The following ESAM variants were observed in gnomAD, a reference collection of about 807,000 sequenced individuals.
The protein encoded by ESAM is endothelial cell-selective adhesion molecule.
Under a neutral mutation model 31.8 loss-of-function variants are expected in ESAM, and 23 were observed. The ratio of observed to expected loss-of-function variants is 0.72; its 90% confidence interval spans 0.52 to 1.03. The LOEUF (loss-of-function observed/expected upper bound fraction) is 1.03. ESAM is among the 50% of genes least tolerant of loss of function. The pLI is 0.00. For synonymous variants in ESAM, 216 were observed against 207.2 expected (o/e 1.04, Z -0.37); for missense variants, 478 against 488.9 (o/e 0.98, Z 0.21).
In ESAM at chr11:124,754,808, TTAA is replaced by T. The variant is rs1565441430; in HGVS notation, c.608-48_608-46del. ...ATCAGTCCAGGGACCCTCTTTCCCA[TTAA>T]AAAAAAAAAAAAATCTTGTCCCTCC... On this transcript the variant is annotated intron_variant, in intron 4 of 6. Coordinates refer to ENST00000278927, the MANE Select transcript of ESAM (RefSeq NM_138961.3). This position sits in a 1 kb window ranked among gnomAD's most constrained non-coding sequence, Gnocchi z 4.5. The T allele has an allele frequency of 3.3e-6, 5 of 1,518,856 alleles. No individual in the cohort carries two copies. The South Asian group carries it at 4.0e-5, about 12-fold the overall frequency. The allele number at this position is 1,518,856 out of a possible 1,614,324, so 94.1% of individuals were successfully genotyped here.
At position 124,762,192 on chromosome 11, in the gene ESAM, C is replaced by CGCG; in HGVS notation, c.-41_-39dup. 1.9e-6 allele frequency: 3 copies of CGCG among 1,553,738 alleles called. No individual in the cohort carries two copies. Among genetic ancestry groups the CGCG allele is most frequent in the Non-Finnish European group, 1.8e-6 (2 of 1,142,822 alleles). ...CCGGGACGGAGTCAGGGGCGCCAGCCGCGGGACGCACGGACCTGCAGGTGC... is the reference window on the plus strand; with the variant it reads ...CCGGGACGGAGTCAGGGGCGCCAGCCGCGGCGGGACGCACGGACCTGCAGGTGC... On this transcript the variant is annotated 5_prime_UTR_variant, in exon 1 of 7. Transcript: ENST00000278927. This position sits in a 1 kb window ranked among gnomAD's most constrained non-coding sequence, Gnocchi z 6.4.
chr11:124,758,563 G>A (rs996658238), intron 1 of ESAM, 36 bp from the exon 2 acceptor site: 3 of 1,470,758 alleles, frequency 2.0e-6, no homozygotes, highest in South Asian at 1.4e-5. Context: ...GCCCAGGACC[G>A]GCTCCCAGCT....
Position 124,762,040 on chromosome 11 carries a change from C to T in ESAM, c.70+45G>A, listed in dbSNP as rs1944236393. ...AGTTCTCCCTCAGGGTCGAACTCACCCCATCCCGCATCCCAAGTCCCCTCC... is the reference window on the plus strand; with the variant it reads ...AGTTCTCCCTCAGGGTCGAACTCACTCCATCCCGCATCCCAAGTCCCCTCC... On this transcript the variant is annotated intron_variant, in intron 1 of 6. Coordinates refer to ENST00000278927, the MANE Select transcript of ESAM (RefSeq NM_138961.3). The surrounding 1 kb of genome is among the most constrained non-coding windows in gnomAD (Gnocchi z 6.4). 1.3e-6 allele frequency: 2 copies of T among 1,567,846 alleles called. No homozygotes were observed. Among genetic ancestry groups the T allele is most frequent in the Admixed American group, 1.7e-5 (1 of 57,364 alleles).
At chr11:124,760,225 G>T (rs1359114003) in intron 1 of ESAM, among the ~76,000 whole-genome samples, 1 of 152,236 alleles carries the variant, frequency 6.6e-6, no homozygotes. Context: ...TCCCTCCTGG[G>T]TGTCTGCTGG....
intron 4 of ESAM, 68 bp downstream of exon 4, chr11:124,756,139 C>T (rs1944150418): frequency 6.3e-7 from 1 of 1,599,626 alleles, no homozygotes; most frequent in African/African-American, 1.3e-5. Flanking sequence ...TCACCCCAGT[C>T]CCTGTGGTAC....
chr11:124,760,573 G>A (rs1410551771), intron 1 of ESAM, among the ~76,000 whole-genome samples: 1 of 152,278 alleles, frequency 6.6e-6, no homozygotes, highest in East Asian at 1.9e-4. Context: ...GCGGAGCCGG[G>A]CGCCTGCACG....
rs536785861 is a variant in ESAM at position 124,757,812 on chromosome 11, C to T, written c.249+537G>A. ...TTGTGGATTCAAGCAATTCTCTTGC[C>T]TCAGCCTCCCAAGTAGCTGGGATTA... is the stretch of plus-strand genomic sequence containing the variant. On this transcript the variant is annotated intron_variant, in intron 2 of 6. Coordinates refer to ENST00000278927, the MANE Select transcript of ESAM (RefSeq NM_138961.3). Among the ~76,000 whole-genome samples, 486 of 151,698 alleles carry T rather than the reference C, an allele frequency of 3.2e-3. 3 individuals are homozygous for T. The highest frequency in any genetic ancestry group is 0.011 in the African/African-American group (446 of 41,218).
In ESAM at chr11:124,756,206, C is replaced by G; in HGVS notation, c.607+1G>C. The G allele has an allele frequency of 2.5e-6, 4 of 1,613,510 alleles. No homozygotes were observed. Among genetic ancestry groups the G allele is most frequent in the Non-Finnish European group, 3.4e-6 (4 of 1,180,004 alleles). On this transcript the variant is annotated splice_donor_variant, in intron 4 of 6. Coordinates refer to ENST00000278927, the MANE Select transcript of ESAM (RefSeq NM_138961.3). LOFTEE classifies it high-confidence loss of function. Reference sequence around the variant, plus strand: ...TCCACTGTTTCCAGTAGTGTCCTCACCTAATGCTGGTGCAAAGAAAGTCTG... The same window carrying G: ...TCCACTGTTTCCAGTAGTGTCCTCAGCTAATGCTGGTGCAAAGAAAGTCTG...
chr11:124,753,647 C>G lies in ESAM; in HGVS notation c.1172G>C (p.Ter391SerextTer1). The G allele has an allele frequency of 6.2e-7, 1 of 1,613,500 alleles. No homozygotes were observed. ...TTTAGCCAATGAGTGGTGGGGTCAT[C>G]ATACCAGAGAGCCAGCTTGACTCTG... ...PAQSQAGSLV[*>S] Residue 391 changes from the stop codon to serine, a stop_lost, in exon 7 of 7, where the codon TGA becomes TCA. Transcript: ENST00000278927.
Position 124,753,458 on chromosome 11 carries a change from C to T in ESAM, c.*188G>A. On this transcript the variant is annotated 3_prime_UTR_variant, in exon 7 of 7. Coordinates refer to ENST00000278927, the MANE Select transcript of ESAM (RefSeq NM_138961.3). ...CTCCTCCCAATTCCAGATCCACTTC[C>T]TCTTCTCCTTCTGTCTCCTGGACAC... is the stretch of plus-strand genomic sequence containing the variant. The T allele has an allele frequency of 4.7e-6, 3 of 644,478 alleles. No homozygotes were observed. In the East Asian group the frequency reaches 8.7e-5, roughly 19 times the overall value. The allele number at this position is 644,478 out of a possible 1,614,324, so 39.9% of individuals were successfully genotyped here.
Position 124,753,662 on chromosome 11 carries a change from G to T in ESAM, c.1157C>A (p.Ala386Asp), listed in dbSNP as rs114481311. The T allele has an allele frequency of 4.3e-6, 7 of 1,613,738 alleles. No homozygotes were observed. In the East Asian group the frequency reaches 1.6e-4, roughly 36 times the overall value. The stretch of plus-strand genomic sequence containing the variant: ...GTGGGGTCATCATACCAGAGAGCCA[G>T]CTTGACTCTGGGCAGGCACCATCAC... Reference protein sequence around the residue: ...VPVMVPAQSQAGSLV With the variant: ...VPVMVPAQSQDGSLV The change falls in exon 7 of 7, where the codon GCT (alanine) becomes GAT (aspartate). Residue 386 changes from alanine (A) to aspartate (D), a missense_variant. Transcript: ENST00000278927.
chr11:124,754,848 C>G lies in ESAM; in HGVS notation c.608-85G>C. 2 of 1,499,668 alleles carry G rather than the reference C, an allele frequency of 1.3e-6. No individual in the cohort carries two copies. The highest frequency in any genetic ancestry group is 1.8e-6 in the Non-Finnish European group (2 of 1,122,374). The allele number at this position is 1,499,668 out of a possible 1,614,324, so 92.9% of individuals were successfully genotyped here. On this transcript the variant is annotated intron_variant, in intron 4 of 6. Transcript: ENST00000278927. This position sits in a 1 kb window ranked among gnomAD's most constrained non-coding sequence, Gnocchi z 4.5. ...AATCTTGTCCCTCCTCTGGAATGTCCCCTTTGACCCTCTGGGAGTCACGGC... is the reference window on the plus strand; with the variant it reads ...AATCTTGTCCCTCCTCTGGAATGTCGCCTTTGACCCTCTGGGAGTCACGGC...
chr11:124,755,346 GTAAC>G (rs1178782144), intron 4 of ESAM, among the ~76,000 whole-genome samples: 4 of 151,844 alleles, frequency 2.6e-5, no homozygotes, highest in Non-Finnish European at 5.9e-5. Flanking sequence ...GTATACATAT[GTAAC>G]TAACCTGCAC....
chr11:124,761,816 T>C (rs1944233085), intron 1 of ESAM, among the ~76,000 whole-genome samples: 1 of 151,060 alleles, frequency 6.6e-6, no homozygotes, highest in Admixed American at 6.6e-5. Context: ...TGAGGAATGG[T>C]TCCGATAACT....
At position 124,754,865 on chromosome 11, in the gene ESAM, A is replaced by G. The variant is rs973117998; in HGVS notation, c.608-102T>C. The G allele has an allele frequency of 6.9e-6, 10 of 1,453,482 alleles. No individual in the cohort carries two copies. Among genetic ancestry groups the G allele is most frequent in the Non-Finnish European group, 9.2e-6 (10 of 1,089,100 alleles). 90.0% of individuals were successfully genotyped at this position (1,453,482 alleles called of 1,614,324 possible). ...GGAATGTCCCCTTTGACCCTCTGGG[A>G]GTCACGGCTTGTCTATTCCCTGATG... is the stretch of plus-strand genomic sequence containing the variant. On this transcript the variant is annotated intron_variant, in intron 4 of 6. Coordinates refer to ENST00000278927, the MANE Select transcript of ESAM (RefSeq NM_138961.3). This position sits in a 1 kb window ranked among gnomAD's most constrained non-coding sequence, Gnocchi z 4.5.
At chr11:124,760,534 C>G (rs1944216044) in intron 1 of ESAM, among the ~76,000 whole-genome samples, 1 of 152,380 alleles carries the variant, frequency 6.6e-6, no homozygotes, top group South Asian at 2.1e-4. Context: ...GCCTACTGAG[C>G]CGGAGAGCCT....
In ESAM at chr11:124,762,118, G is replaced by T; in HGVS notation, c.37C>A (p.Leu13Met). 2 of 1,609,408 alleles carry T rather than the reference G, an allele frequency of 1.2e-6. No homozygotes were observed. The highest frequency in any genetic ancestry group is 2.7e-5 in the African/African-American group (2 of 74,480). Residue 13 changes from leucine to methionine, a missense_variant, in exon 1 of 7, where the codon CTG (leucine) becomes ATG (methionine). Leu to Met is a conservative substitution (Grantham distance 15). Transcript: ENST00000278927. This position sits in a 1 kb window ranked among gnomAD's most constrained non-coding sequence, Gnocchi z 6.4. ...SLPGPLVTNL[L>M]RFLFLGLSAL... is the part of the protein sequence containing the mutation. ...CTCAGCCCCAGGAACAAAAACCGCA[G>T]CAAGTTGGTCACCAGGGGCCCCGGG...
chr11:124,753,773 G>C lies in ESAM; in HGVS notation c.1046C>G (p.Thr349Arg). 1 of 1,613,970 alleles carries C rather than the reference G, an allele frequency of 6.2e-7. No individual in the cohort carries two copies. Among genetic ancestry groups the C allele is most frequent in the Non-Finnish European group, 8.5e-7 (1 of 1,179,928 alleles). ...SQALPSPRLP[T>R]TDGAHPQPIS... ...TGGTTGAGGGTGGGCCCCATCTGTC[G>C]TGGGCAGTCTTGGTGAGGGCAGGGC... The change falls in exon 7 of 7, where the codon ACG becomes AGG. Residue 349 changes from threonine (T) to arginine (R), a missense_variant. Thr to Arg is a moderately conservative substitution (Grantham distance 71). Coordinates refer to ENST00000278927, the MANE Select transcript of ESAM (RefSeq NM_138961.3).
At position 124,754,355 on chromosome 11, in the gene ESAM, G is replaced by C; in HGVS notation, c.731-15C>G. ...AGCTCCAGGCCCTGGAAAAGGCGTC[G>C]TGTCAGAGGAGGACACCCAGCTGAG... is the stretch of plus-strand genomic sequence containing the variant. On this transcript the variant is annotated splice_polypyrimidine_tract_variant and intron_variant, in intron 5 of 6. Coordinates refer to ENST00000278927, the MANE Select transcript of ESAM (RefSeq NM_138961.3). The surrounding 1 kb of genome is among the most constrained non-coding windows in gnomAD (Gnocchi z 4.5). 1 of 1,613,280 alleles carries C rather than the reference G, an allele frequency of 6.2e-7. No homozygotes were observed. The highest frequency in any genetic ancestry group is 8.5e-7 in the Non-Finnish European group (1 of 1,179,690).
Sources: allele counts gnomAD v4.1 joint callset (sites outside exome capture counted in the v4.1 genomes callset), GRCh38; gene constraint gnomAD v4.1.1; non-coding constraint Gnocchi (gnomAD v3.1); transcripts MANE v1.5; gene names NCBI Gene and HGNC (gene_info 2026-07-23, HGNC 2026-07-21).